Variants in MAPKBP1 observed in about 807,000 individuals in gnomAD.
The protein encoded by MAPKBP1 is mitogen-activated protein kinase-binding protein 1.
MAPKBP1 carries 71 observed loss-of-function variants against 170.5 expected under a neutral mutation model. That is an observed-to-expected ratio of 0.42 (90% CI 0.34 to 0.51). The LOEUF is 0.51. Among genes scored for constraint, MAPKBP1 ranks in the 20% least tolerant of loss-of-function variants. The pLI is 0.06. For missense variants in MAPKBP1, 1,598 were observed against 1,933.0 expected, an observed-to-expected ratio of 0.83 and a Z score of 3.25; for synonymous variants, 719 against 757.9, an observed-to-expected ratio of 0.95 and a Z score of 0.84.
intron 2 of MAPKBP1, among the ~76,000 whole-genome samples, chr15:41,778,238 G>A (rs2064129665): frequency 6.6e-6 from 1 of 152,204 alleles, no homozygotes; most frequent in East Asian, 1.9e-4. Context: ...ACATCCAGGT[G>A]AATAAAATAA....
Position 41,817,549 on chromosome 15 carries a change from G to A in MAPKBP1, c.1783-65G>A. ...TTACAAGAGGTGAAGGGAGGCGCAA[G>A]TAGGGCTCTTGGGGCCTGGTGAGGC... On this transcript the variant is annotated intron_variant, in intron 15 of 30. Coordinates refer to ENST00000457542, the MANE Select transcript of MAPKBP1 (RefSeq NM_014994.3). This position sits in a 1 kb window ranked among gnomAD's most constrained non-coding sequence, Gnocchi z 4.2. 7 of 1,613,550 alleles carry A rather than the reference G, an allele frequency of 4.3e-6. No individual in the cohort carries two copies. The highest frequency in any genetic ancestry group is 5.9e-6 in the Non-Finnish European group (7 of 1,179,554).
intron 20 of MAPKBP1, 98 bp from the exon 21 acceptor site, chr15:41,819,148 T>G: frequency 6.7e-7 from 1 of 1,493,940 alleles, no homozygotes; most frequent in South Asian, 1.2e-5. Context: ...GAGTCTCATC[T>G]TCCCCTCATT....
chr15:41,791,871 C>T (rs1277203527), intron 2 of MAPKBP1, among the ~76,000 whole-genome samples: 1 of 152,054 alleles, frequency 6.6e-6, no homozygotes, highest in Non-Finnish European at 1.5e-5. Flanking sequence ...GCCTGACCAA[C>T]ATGGAGAAAC....
In MAPKBP1 at chr15:41,774,563, G is replaced by T. The variant is rs749550608; in HGVS notation, c.-157G>T. ...CGGCGGAGCTGAAATTGCCGAACGC[G>T]ATGCCCGAGGGCGCTGTGAGCGGGG... On this transcript the variant is annotated 5_prime_UTR_variant, in exon 1 of 31. Transcript: ENST00000457542. The T allele has an allele frequency of 4.5e-5, 18 of 398,566 alleles. No individual in the cohort carries two copies. The highest frequency in any genetic ancestry group is 7.1e-5 in the Non-Finnish European group (16 of 226,098). 24.7% of individuals were successfully genotyped at this position (398,566 alleles called of 1,614,324 possible).
chr15:41,825,202 A>G lies in MAPKBP1; in HGVS notation c.4300-7A>G, dbSNP rs1309818796. 13 of 1,574,974 alleles carry G rather than the reference A, an allele frequency of 8.3e-6. No individual in the cohort carries two copies. Among genetic ancestry groups the G allele is most frequent in the Admixed American group, 1.7e-5 (1 of 57,538 alleles). On this transcript the variant is annotated splice_polypyrimidine_tract_variant and splice_region_variant and intron_variant, in intron 30 of 30. Coordinates refer to ENST00000457542, the MANE Select transcript of MAPKBP1 (RefSeq NM_014994.3). Reference sequence around the variant, plus strand: ...CCTCCACCTCACTTCTGGGGGTGCTATTTCAGGTGGCTGGCTGCAAGATGC... The same window carrying G: ...CCTCCACCTCACTTCTGGGGGTGCTGTTTCAGGTGGCTGGCTGCAAGATGC...
chr15:41,827,096 G>C lies in MAPKBP1; in HGVS notation c.*1660G>C, dbSNP rs906307485. The C allele has an allele frequency of 6.6e-6, 1 of 150,618 alleles. No homozygotes were observed. The highest frequency in any genetic ancestry group is 2.5e-5 in the African/African-American group (1 of 40,642). The allele number at this position is 150,618 out of a possible 1,614,324, so 9.3% of individuals were successfully genotyped here. ...GGATCACCTGAGGTTAGGAGTTCGAGATCAGCCTGGCCAACATGGTGAAAC... is the reference window on the plus strand; with the variant it reads ...GGATCACCTGAGGTTAGGAGTTCGACATCAGCCTGGCCAACATGGTGAAAC... On this transcript the variant is annotated 3_prime_UTR_variant, in exon 31 of 31. Coordinates refer to ENST00000457542, the MANE Select transcript of MAPKBP1 (RefSeq NM_014994.3).
At position 41,818,614 on chromosome 15, in the gene MAPKBP1, A is replaced by AG; in HGVS notation, c.2156+32_2156+33insG. The AG allele has an allele frequency of 6.3e-7, 1 of 1,596,830 alleles. No individual in the cohort carries two copies. Among genetic ancestry groups the AG allele is most frequent in the Non-Finnish European group, 8.6e-7 (1 of 1,168,524 alleles). On this transcript the variant is annotated intron_variant, in intron 19 of 30. Transcript: ENST00000457542. The surrounding 1 kb of genome is among the most constrained non-coding windows in gnomAD (Gnocchi z 5.2). ...AGAAGCCAGCTTCCCTGAGAGGCAG[A>AG]TTCTTACTCTGCCACAGCACCCTGC... is the stretch of plus-strand genomic sequence containing the variant.
chr15:41,827,231 T>C lies in MAPKBP1; in HGVS notation c.*1795T>C, dbSNP rs561279231. On this transcript the variant is annotated 3_prime_UTR_variant, in exon 31 of 31. Coordinates refer to ENST00000457542, the MANE Select transcript of MAPKBP1 (RefSeq NM_014994.3). ...ATCGCTTGAACCCTGGAGGTGGAGGTGGAGGTTGCAGTGAGCCGAGATCGC... is the reference window on the plus strand; with the variant it reads ...ATCGCTTGAACCCTGGAGGTGGAGGCGGAGGTTGCAGTGAGCCGAGATCGC... 1 of 149,922 alleles carries C rather than the reference T, an allele frequency of 6.7e-6. No individual in the cohort carries two copies. The highest frequency in any genetic ancestry group is 2.5e-5 in the African/African-American group (1 of 40,656). 9.3% of individuals were successfully genotyped at this position (149,922 alleles called of 1,614,324 possible).
intron 3 of MAPKBP1, among the ~76,000 whole-genome samples, chr15:41,800,783 C>G (rs1178103012): frequency 6.6e-6 from 1 of 151,736 alleles, no homozygotes; most frequent in African/African-American, 2.4e-5. Flanking sequence ...TAACTGGCTT[C>G]TTTTTGTTGC....
intron 3 of MAPKBP1, among the ~76,000 whole-genome samples, chr15:41,802,641 T>G (rs898669758): frequency 6.6e-6 from 1 of 152,146 alleles, no homozygotes; most frequent in Non-Finnish European, 1.5e-5. Context: ...GCCTGGCTAA[T>G]TTTTGTATTT....
chr15:41,822,295 T>TGAAGAAGAG lies in MAPKBP1; in HGVS notation c.3114_3122dup (p.Glu1039_Glu1041dup), dbSNP rs761681150. 6.2e-6 allele frequency: 10 copies of TGAAGAAGAG among 1,613,800 alleles called. No homozygotes were observed. The highest frequency in any genetic ancestry group is 1.7e-5 in the Admixed American group (1 of 59,986). ...ACCTTGAAGAGCCAGCTGAGGGTGATGAAGAAGAGGAAGAAGAGGAGGGAG... is the reference window on the plus strand; with the variant it reads ...ACCTTGAAGAGCCAGCTGAGGGTGATGAAGAAGAGGAAGAAGAGGAAGAAGAGGAGGGAG... On this transcript the variant is annotated inframe_insertion, in exon 26 of 31. Coordinates refer to ENST00000457542, the MANE Select transcript of MAPKBP1 (RefSeq NM_014994.3).
intron 22 of MAPKBP1, 43 bp from the exon 23 acceptor site, chr15:41,820,789 T>C (rs1441148536): frequency 7.1e-7 from 1 of 1,403,880 alleles, no homozygotes; most frequent in Admixed American, 1.7e-5. Flanking sequence ...GATCTTACTG[T>C]GTGGTTGTTG....
At position 41,816,363 on chromosome 15, in the gene MAPKBP1, A is replaced by G. The variant is rs1334102125; in HGVS notation, c.1494-196A>G. ...ATTTCCTAGTTTTGATAATTGCACT[A>G]TCGTTATGTAAGATGTTCACATTAG... On this transcript the variant is annotated intron_variant, in intron 12 of 30. Coordinates refer to ENST00000457542, the MANE Select transcript of MAPKBP1 (RefSeq NM_014994.3). 2.8e-5 allele frequency: 16 copies of G among 566,248 alleles called. No individual in the cohort carries two copies. The East Asian group carries it at 3.3e-4, about 12-fold the overall frequency. The allele number at this position is 566,248 out of a possible 1,614,324, so 35.1% of individuals were successfully genotyped here.
chr15:41,790,970 A>T (rs1434571393), intron 2 of MAPKBP1, among the ~76,000 whole-genome samples: 1 of 152,162 alleles, frequency 6.6e-6, no homozygotes, highest in African/African-American at 2.4e-5. Context: ...GTTAAGTGGC[A>T]GTTCTCAGAA....
intron 2 of MAPKBP1, among the ~76,000 whole-genome samples, chr15:41,785,879 T>G (rs1012360366): frequency 3.9e-5 from 6 of 152,252 alleles, no homozygotes; most frequent in Non-Finnish European, 8.8e-5. Context: ...GATTCAGCAG[T>G]TATAATTCTG....
chr15:41,782,287 A>G (rs1203805424), intron 2 of MAPKBP1, among the ~76,000 whole-genome samples: 1 of 151,690 alleles, frequency 6.6e-6, no homozygotes, highest in Non-Finnish European at 1.5e-5. Flanking sequence ...ATTATGAAAT[A>G]CAACAGACAT....
intron 21 of MAPKBP1, 38 bp from the exon 22 acceptor site, chr15:41,819,557 G>GGGGGGCCCCCCCCCCCCC: frequency 1.4e-6 from 2 of 1,384,664 alleles, no homozygotes; most frequent in Non-Finnish European, 1.0e-6. Context: ...CGGGGGGGGG[G>GGGGGGCCCCCCCCCCCCC]CAGGAGACAC....
At chr15:41,819,755 C>A in intron 22 of MAPKBP1, 105 bp downstream of exon 22, 9 of 1,156,922 alleles carry the variant, frequency 7.8e-6, no homozygotes, top group South Asian at 1.4e-5. Flanking sequence ...ATGGGGTCTG[C>A]CCACATGCTG....
intron 5 of MAPKBP1, 126 bp downstream of exon 5, chr15:41,811,361 T>C (rs1459472069): frequency 1.8e-5 from 18 of 1,003,952 alleles, no homozygotes; most frequent in Non-Finnish European, 2.6e-5. Context: ...TGGTTTTCGC[T>C]ATACCTTAAA....
Sources: gnomAD v4.1 joint callset for allele counts (sites outside exome capture counted in the v4.1 genomes callset) on GRCh38, gnomAD v4.1.1 for gene constraint, Gnocchi (gnomAD v3.1) non-coding constraint, MANE v1.5 for transcripts, NCBI Gene and HGNC (gene_info 2026-07-23, HGNC 2026-07-21) for gene names.